The following LRRC4C variants were observed in gnomAD, a reference collection of about 807,000 sequenced individuals.
LRRC4C encodes the protein leucine-rich repeat-containing protein 4C.
Under a neutral mutation model 33.6 loss-of-function variants are expected in LRRC4C, and 5 were observed. The ratio of observed to expected loss-of-function variants is 0.15; its 90% CI spans 0.08 to 0.31. The LOEUF (loss-of-function observed/expected upper bound fraction) is 0.31. Among genes scored for constraint, LRRC4C ranks in the 10% least tolerant of loss-of-function variants. LRRC4C has a pLI of 1.00. For missense variants in LRRC4C, 560 were observed against 796.7 expected (o/e 0.70, Z 3.58); for synonymous variants, 329 against 302.0 (o/e 1.09, Z -0.93).
chr11:40,927,714 G>A (rs1217921410), intron 2 of LRRC4C, among the ~76,000 whole-genome samples: 1 of 151,744 alleles, frequency 6.6e-6, no homozygotes, highest in Non-Finnish European at 1.5e-5. Flanking sequence ...TGGATTAATA[G>A]CAAAGGGCAT....
chr11:40,490,903 C>T (rs139773195), intron 3 of LRRC4C, among the ~76,000 whole-genome samples: 266 of 152,142 alleles, frequency 1.7e-3, no homozygotes, highest in African/African-American at 5.9e-3. Context: ...ATATGGATTA[C>T]TCCTGAGTGA....
chr11:41,217,269 G>A (rs1947102513), intron 1 of LRRC4C, among the ~76,000 whole-genome samples: 1 of 152,060 alleles, frequency 6.6e-6, no homozygotes, highest in Non-Finnish European at 1.5e-5. Context: ...CTAGTATTTA[G>A]CAACTATCTG....
chr11:40,673,917 C>T (rs1403971483), intron 2 of LRRC4C, among the ~76,000 whole-genome samples: 2 of 152,158 alleles, frequency 1.3e-5, no homozygotes, highest in African/African-American at 2.4e-5. Flanking sequence ...AGGCAATGCA[C>T]CATTGTATAT....
chr11:40,218,408 T>C (rs1368193545), intron 5 of LRRC4C, among the ~76,000 whole-genome samples: 1 of 152,128 alleles, frequency 6.6e-6, no homozygotes, highest in East Asian at 1.9e-4. Context: ...GAAATGCAAG[T>C]CCAAGAGCTA....
At chr11:40,181,066 T>C (rs1218872985) in intron 5 of LRRC4C, among the ~76,000 whole-genome samples, 1 of 152,150 alleles carries the variant, frequency 6.6e-6, no homozygotes, top group Non-Finnish European at 1.5e-5. Flanking sequence ...GTTTAAGATG[T>C]TTTGTCGTAA....
At chr11:41,374,590 A>T (rs1230834182) in intron 1 of LRRC4C, among the ~76,000 whole-genome samples, 1 of 152,184 alleles carries the variant, frequency 6.6e-6, no homozygotes, top group Non-Finnish European at 1.5e-5. Context: ...AGATTAATAA[A>T]ATCAGGACAT....
chr11:41,080,342 C>CTTTTTTTTTTTTTTT (rs71060997), intron 1 of LRRC4C, among the ~76,000 whole-genome samples: 2 of 103,434 alleles, frequency 1.9e-5, no homozygotes, highest in Non-Finnish European at 3.6e-5. Context: ...GAGTCTCCTC[C>CTTTTTTTTTTTTTTT]TTTTTTTTTT....
At chr11:41,303,518 G>A (rs1168957369) in intron 1 of LRRC4C, among the ~76,000 whole-genome samples, 1 of 124,918 alleles carries the variant, frequency 8.0e-6, no homozygotes, top group African/African-American at 3.0e-5. Context: ...CCCCATCTGG[G>A]AAGTGAGGAG....
intron 5 of LRRC4C, among the ~76,000 whole-genome samples, chr11:40,187,018 A>C (rs970297586): frequency 3.3e-5 from 5 of 152,194 alleles, no homozygotes; most frequent in African/African-American, 1.2e-4. Flanking sequence ...GTCAGGCCAT[A>C]GCAGGCCTCT....
intron 3 of LRRC4C, among the ~76,000 whole-genome samples, chr11:40,511,263 A>G (rs1383513347): frequency 6.6e-6 from 1 of 152,182 alleles, no homozygotes; most frequent in East Asian, 1.9e-4. Context: ...ACAAAATGAA[A>G]AGAGGCGTAT....
intron 1 of LRRC4C, among the ~76,000 whole-genome samples, chr11:41,079,514 A>C: frequency 6.6e-6 from 1 of 152,182 alleles, no homozygotes; most frequent in East Asian, 1.9e-4. Flanking sequence ...TGGGTAACTT[A>C]TGTGCCCCCC....
rs188105032 is a variant in LRRC4C at position 41,395,207 on chromosome 11, G to A, written c.-496+64224C>T. On this transcript the variant is annotated intron_variant, in intron 1 of 6. Coordinates refer to ENST00000528697, the MANE Select transcript of LRRC4C (RefSeq NM_001258419.2). Reference sequence around the variant, plus strand: ...AGGAAAGAGCAGAGAAAAAATGAGCGCCTATTCTTGAGCACATGTGAACAC... The same window carrying A: ...AGGAAAGAGCAGAGAAAAAATGAGCACCTATTCTTGAGCACATGTGAACAC... 6.0e-3 allele frequency among the ~76,000 whole-genome samples: 915 copies of A among 151,998 alleles called. 8 individuals are homozygous for A. The highest frequency in any genetic ancestry group is 0.021 in the African/African-American group (881 of 41,488).
intron 1 of LRRC4C, among the ~76,000 whole-genome samples, chr11:41,034,929 G>T (rs1381424708): frequency 6.7e-6 from 1 of 149,344 alleles, no homozygotes; most frequent in East Asian, 1.9e-4. Flanking sequence ...TTGATTTTTT[G>T]GGGGTCGTTG....
At chr11:41,123,079 T>C (rs1341322061) in intron 1 of LRRC4C, 1 of 151,948 alleles carries the variant, frequency 6.6e-6, no homozygotes, top group Non-Finnish European at 1.5e-5. Context: ...CTTGAGATCA[T>C]CCAATAAAAA....
chr11:40,985,328 T>C (rs1852920815), intron 1 of LRRC4C, among the ~76,000 whole-genome samples: 1 of 151,892 alleles, frequency 6.6e-6, no homozygotes, highest in Non-Finnish European at 1.5e-5. Flanking sequence ...GATACATTTA[T>C]CTTCCTTTTT....
rs144187642 is a variant in LRRC4C, at chr11:41,223,547, C to A, written c.-496+235884G>T. On this transcript the variant is annotated intron_variant, in intron 1 of 6. Transcript: ENST00000528697. ...GTATGATGGTGAGATAAGATATAAT[C>A]AGGTCAATATGGAGAAGTACAAATT... is the stretch of plus-strand genomic sequence containing the variant. 3.7e-4 allele frequency among the ~76,000 whole-genome samples: 57 copies of A among 152,276 alleles called. 1 individual carries two copies. In the East Asian group the frequency reaches 9.1e-3, roughly 24 times the overall value.
chr11:40,908,726 A>T (rs761132117), intron 2 of LRRC4C, among the ~76,000 whole-genome samples: 1 of 152,186 alleles, frequency 6.6e-6, no homozygotes, highest in Non-Finnish European at 1.5e-5. Context: ...GTGGAAGTGC[A>T]TATAAATTAG....
intron 5 of LRRC4C, among the ~76,000 whole-genome samples, chr11:40,180,136 C>A (rs1860863964): frequency 6.6e-6 from 1 of 152,132 alleles, no homozygotes; most frequent in South Asian, 2.1e-4. Context: ...AGATCATTTG[C>A]ATTTTAAAAC....
intron 1 of LRRC4C, among the ~76,000 whole-genome samples, chr11:41,154,567 A>T (rs1436130927): frequency 6.6e-6 from 1 of 152,148 alleles, no homozygotes; most frequent in Non-Finnish European, 1.5e-5. Context: ...TTTTTCAAAG[A>T]TTTTGCATGT....
Sources: allele counts gnomAD v4.1 joint callset (sites outside exome capture counted in the v4.1 genomes callset), GRCh38; gene constraint gnomAD v4.1.1; transcripts MANE v1.5; gene names NCBI Gene and HGNC (gene_info 2026-07-23, HGNC 2026-07-21).